MAP7D2: variants seen among roughly 807,000 people sequenced by gnomAD.
MAP7D2 encodes MAP7 domain-containing protein 2.
In MAP7D2, 33 loss-of-function variants were observed where a neutral mutation model predicts 63.5. The ratio of observed to expected loss-of-function variants is 0.52; its 90% confidence interval spans 0.39 to 0.70. The LOEUF (loss-of-function observed/expected upper bound fraction) is 0.70, where lower values mean the gene tolerates loss of function less well. Among genes scored for constraint, MAP7D2 ranks in the 30% least tolerant of loss-of-function variants. The pLI is 0.00. For synonymous variants in MAP7D2, 224 were observed against 223.7 expected, an observed-to-expected ratio of 1.00 and a Z score of -0.01; for missense variants, 626 against 604.0, an observed-to-expected ratio of 1.04 and a Z score of -0.38.
At chrX:20,033,615 A>G (rs1023712106) in intron 8 of MAP7D2, among the ~76,000 whole-genome samples, 2 of 112,530 alleles carry the variant, frequency 1.8e-5, no homozygotes, top group African/African-American at 6.5e-5. Flanking sequence ...TTTATCTGAC[A>G]TCAGGCAGGA....
In MAP7D2 at chrX:20,042,552, A is replaced by C; in HGVS notation, c.957T>G (p.Cys319Trp). The C allele has an allele frequency of 8.3e-7, 1 of 1,211,021 alleles. No homozygotes were observed. Among genetic ancestry groups the C allele is most frequent in the Non-Finnish European group, 1.1e-6 (1 of 894,904 alleles). The change falls in exon 8 of 17, where the codon TGT becomes TGG. Residue 319 changes from cysteine to tryptophan, a missense_variant. Coordinates refer to ENST00000379643, the MANE Select transcript of MAP7D2 (RefSeq NM_001168465.2). ...TCTTAGGAATGCCTCCAGAAAACTC[A>C]CATCTTCTCAGAGGGGACCCGAAGT... is the stretch of plus-strand genomic sequence containing the variant. Reference protein sequence around the residue: ...VVNFGSPLRRCEFSGGIPKRP... With the variant: ...VVNFGSPLRRWEFSGGIPKRP...
chrX:20,062,142 C>T (rs996248739), intron 3 of MAP7D2, among the ~76,000 whole-genome samples: 9 of 112,509 alleles, frequency 8.0e-5, no homozygotes, highest in African/African-American at 2.3e-4. Context: ...CATTCCTGAA[C>T]GATTACTCTG....
chrX:20,103,239 G>A (rs901252841), intron 1 of MAP7D2, among the ~76,000 whole-genome samples: 3 of 112,009 alleles, frequency 2.7e-5, no homozygotes, highest in South Asian at 7.5e-4. Flanking sequence ...GTAATGGCTT[G>A]TAAGTCAATC....
Position 20,042,643 on chromosome X carries a change from A to G in MAP7D2, c.880-14T>C, listed in dbSNP as rs747024090. On this transcript the variant is annotated splice_polypyrimidine_tract_variant and intron_variant, in intron 7 of 16. Coordinates refer to ENST00000379643, the MANE Select transcript of MAP7D2 (RefSeq NM_001168465.2). ...CACCTTCTCCACCTGTAGGGGACAC[A>G]GGATAGCCACAGTCCATGACTGGCA... The G allele has an allele frequency of 2.5e-6, 3 of 1,209,035 alleles. No homozygotes were observed. The Admixed American group carries it at 6.6e-5, about 26-fold the overall frequency.
Position 20,044,392 on chromosome X carries a change from T to A in MAP7D2, c.851A>T (p.Glu284Val), listed in dbSNP as rs2064740263. 8.3e-7 allele frequency: 1 copy of A among 1,209,638 alleles called. No individual in the cohort carries two copies. The highest frequency in any genetic ancestry group is 1.8e-5 in the African/African-American group (1 of 57,080). The stretch of plus-strand genomic sequence containing the variant: ...AGAGGCCTCTCCTCCTGAAAGGGCT[T>A]CTTTCCCAACATCTCCTGCACCAGA... Reference protein sequence around the residue: ...STSGAGDVGKEALSGGEASLV... With the variant: ...STSGAGDVGKVALSGGEASLV... Residue 284 changes from glutamate to valine, a missense_variant, in exon 7 of 17, where the codon GAA becomes GTA. By Grantham distance (121) the Glu-to-Val change is moderately radical. Transcript: ENST00000379643.
intron 1 of MAP7D2, among the ~76,000 whole-genome samples, chrX:20,094,517 T>TC: frequency 3.4e-4 from 1 of 2,940 alleles, no homozygotes; most frequent in African/African-American, 1.8e-3. Flanking sequence ...TATATATATG[T>TC]ATATATATAT....
chrX:20,064,460 G>A (rs893246224), intron 2 of MAP7D2, among the ~76,000 whole-genome samples: 3 of 112,041 alleles, frequency 2.7e-5, no homozygotes, highest in African/African-American at 9.7e-5. Flanking sequence ...CAGGGGCAGC[G>A]ACTGTTTCTC....
Position 20,015,321 on chromosome X carries a change from CTTCT to C in MAP7D2, c.1647_1650del (p.Glu550GlnfsTer9), listed in dbSNP as rs753224600. On this transcript the variant is annotated frameshift_variant and splice_region_variant, in exon 12 of 17. Coordinates refer to ENST00000379643, the MANE Select transcript of MAP7D2 (RefSeq NM_001168465.2). LOFTEE classifies it high-confidence loss of function. Reference sequence around the variant, plus strand: ...ACCTCCCGGGCCTTTGTTTCTGCTGCTTCTTTCTAACAGAAACAGGTAAATCAAG... The same window carrying C: ...ACCTCCCGGGCCTTTGTTTCTGCTGCTTCTAACAGAAACAGGTAAATCAAG... 4 of 1,203,844 alleles carry C rather than the reference CTTCT, an allele frequency of 3.3e-6. No homozygotes were observed. Among genetic ancestry groups the C allele is most frequent in the South Asian group, 3.5e-5 (2 of 56,824 alleles).
intron 1 of MAP7D2, among the ~76,000 whole-genome samples, chrX:20,069,796 G>A (rs1679274555): frequency 1.0e-5 from 1 of 96,086 alleles, no homozygotes; most frequent in African/African-American, 4.0e-5. Context: ...TTTTTTTTGA[G>A]ACAGGGTTTC....
intron 10 of MAP7D2, among the ~76,000 whole-genome samples, chrX:20,024,425 T>C (rs941515253): frequency 3.6e-5 from 4 of 111,891 alleles, no homozygotes; most frequent in Admixed American, 1.9e-4. Flanking sequence ...GGACTCCCCA[T>C]ACCTCACTGT....
chrX:20,026,888 T>C lies in MAP7D2; in HGVS notation c.1008-936A>G, dbSNP rs189034908. On this transcript the variant is annotated intron_variant, in intron 8 of 16. Coordinates refer to ENST00000379643, the MANE Select transcript of MAP7D2 (RefSeq NM_001168465.2). ...CCTCTAGGAAGGATATAAAGTAATG[T>C]ATACAGAAATTACAAGTCATCACCC... Among the ~76,000 whole-genome samples the C allele has an allele frequency of 2.2e-3, 244 of 111,867 alleles. 1 individual carries two copies. Among genetic ancestry groups the C allele is most frequent in the African/African-American group, 7.1e-3 (218 of 30,790 alleles).
At chrX:20,077,513 T>C (rs749637219) in intron 1 of MAP7D2, among the ~76,000 whole-genome samples, 3 of 112,192 alleles carry the variant, frequency 2.7e-5, no homozygotes, top group Non-Finnish European at 3.8e-5. Flanking sequence ...TGCTCTAAGC[T>C]TCCTCTTCTA....
At chrX:20,056,638 T>A in intron 4 of MAP7D2, 42 bp downstream of exon 4, 1 of 1,101,616 alleles carries the variant, frequency 9.1e-7, no homozygotes, top group Non-Finnish European at 1.3e-6. Flanking sequence ...CTCCATTATT[T>A]CCCACCCAGG....
chrX:20,116,835 C>T lies in MAP7D2; in HGVS notation c.45G>A (p.Glu15=), dbSNP rs1208831941. 8.5e-7 allele frequency: 1 copy of T among 1,172,334 alleles called. No homozygotes were observed. The highest frequency in any genetic ancestry group is 1.1e-6 in the Non-Finnish European group (1 of 877,624). The change falls in exon 1 of 17, where the codon GAG becomes GAA. Residue 15 remains glutamate, a synonymous_variant. Transcript: ENST00000379643. Reference sequence around the variant, plus strand: ...GGAGAGAGGTTCCCCGCGCAGTCCCCTCAGGCCGGGATCCCGTCCCGGAGC... The same window carrying T: ...GGAGAGAGGTTCCCCGCGCAGTCCCTTCAGGCCGGGATCCCGTCCCGGAGC... ...GGGSGTGSRP[E]GTARGTSLPG...
chrX:20,079,163 T>C (rs1274276957), intron 1 of MAP7D2, among the ~76,000 whole-genome samples: 2 of 111,006 alleles, frequency 1.8e-5, no homozygotes, highest in Non-Finnish European at 3.8e-5. Flanking sequence ...ATCTTCACTG[T>C]GGCCCTGTGA....
At chrX:20,102,563 C>T (rs1177866065) in intron 1 of MAP7D2, among the ~76,000 whole-genome samples, 1 of 110,821 alleles carries the variant, frequency 9.0e-6, no homozygotes, top group Admixed American at 9.7e-5. Context: ...TTAAGAAGTG[C>T]TAGGCAAGTG....
intron 10 of MAP7D2, chrX:20,021,213 T>C (rs1410894482): frequency 1.8e-5 from 2 of 111,755 alleles, no homozygotes; most frequent in Non-Finnish European, 3.8e-5. Flanking sequence ...TGTTTGGGAA[T>C]GGACCAACTT....
chrX:20,031,713 G>T (rs2074057683), intron 8 of MAP7D2, among the ~76,000 whole-genome samples: 1 of 111,637 alleles, frequency 9.0e-6, no homozygotes, highest in South Asian at 3.7e-4. Flanking sequence ...GTTGCAGTAA[G>T]CCGAGATCAC....
chrX:20,087,951 G>A (rs762852001), intron 1 of MAP7D2, among the ~76,000 whole-genome samples: 8 of 94,982 alleles, frequency 8.4e-5, no homozygotes, highest in Admixed American at 3.7e-4. Context: ...GTGCAATGGC[G>A]CTATCTCGGG....
Sources: allele counts gnomAD v4.1 joint callset (sites outside exome capture counted in the v4.1 genomes callset), GRCh38; gene constraint gnomAD v4.1.1; transcripts MANE v1.5; gene names NCBI Gene and HGNC (gene_info 2026-07-23, HGNC 2026-07-21).